Variants in CHRM2 observed in about 807,000 individuals in gnomAD.
CHRM2 encodes cholinergic receptor muscarinic 2, also known as muscarinic acetylcholine receptor M2.
In CHRM2, 8 loss-of-function variants were observed where a neutral mutation model predicts 25.0. That is an observed-to-expected ratio of 0.32 (90% CI 0.19 to 0.58). The LOEUF is 0.58. Among genes scored for constraint, CHRM2 ranks in the 20% least tolerant of loss-of-function variants. CHRM2 has a pLI of 0.88. For missense variants in CHRM2, 440 were observed against 567.1 expected, an observed-to-expected ratio of 0.78 and a Z score of 2.28; for synonymous variants, 202 against 205.7, an observed-to-expected ratio of 0.98 and a Z score of 0.15.
At position 136,880,460 on chromosome 7, in the gene CHRM2, C is replaced by T. The variant is rs1224130859; in HGVS notation, c.-125+11042C>T. ...TTCACTTGCAGTAAACATTTGACTA[C>T]ATTTTAAAATTATTATTTCTCCCAA... On this transcript the variant is annotated intron_variant, in intron 2 of 3. Transcript: ENST00000680005. 8.6e-5 allele frequency among the ~76,000 whole-genome samples: 13 copies of T among 151,922 alleles called. No homozygotes were observed. In the South Asian group the frequency reaches 1.7e-3, roughly 19 times the overall value.
At chr7:136,925,301 T>G (rs1002849662) in intron 2 of CHRM2, among the ~76,000 whole-genome samples, 3 of 152,122 alleles carry the variant, frequency 2.0e-5, no homozygotes, top group Non-Finnish European at 4.4e-5. Flanking sequence ...AACTTCTATC[T>G]TTTTTTATCT....
intron 3 of CHRM2, among the ~76,000 whole-genome samples, chr7:137,006,661 T>TC (rs1804449435): frequency 6.6e-6 from 1 of 152,100 alleles, no homozygotes; most frequent in African/African-American, 2.4e-5. Flanking sequence ...CATTTTTTTT[T>TC]CTTTTTCACA....
chr7:136,979,267 A>G (rs1802320031), intron 2 of CHRM2, among the ~76,000 whole-genome samples: 1 of 152,058 alleles, frequency 6.6e-6, no homozygotes, highest in Non-Finnish European at 1.5e-5. Flanking sequence ...GTGTCTGTTG[A>G]TATCCTTTGC....
At chr7:136,949,920 C>G (rs1343414605) in intron 2 of CHRM2, among the ~76,000 whole-genome samples, 1 of 152,076 alleles carries the variant, frequency 6.6e-6, no homozygotes, top group Non-Finnish European at 1.5e-5. Flanking sequence ...TAACTATTCA[C>G]CTTCATGAGA....
At chr7:136,932,946 C>T (rs1799192385) in intron 2 of CHRM2, among the ~76,000 whole-genome samples, 1 of 152,158 alleles carries the variant, frequency 6.6e-6, no homozygotes, top group South Asian at 2.1e-4. Flanking sequence ...AGGAGAATCA[C>T]TTAAACCTGG....
At chr7:137,002,868 A>G (rs1181898229) in intron 3 of CHRM2, among the ~76,000 whole-genome samples, 1 of 152,146 alleles carries the variant, frequency 6.6e-6, no homozygotes, top group East Asian at 1.9e-4. Flanking sequence ...GGACTCAGTA[A>G]TAGTGACTGC....
At chr7:136,898,668 C>T (rs541031144) in intron 2 of CHRM2, 4 of 151,988 alleles carry the variant, frequency 2.6e-5, no homozygotes, top group African/African-American at 9.6e-5. Flanking sequence ...AAGCCATATT[C>T]TGGTATATAG....
intron 2 of CHRM2, among the ~76,000 whole-genome samples, chr7:136,932,613 A>T (rs1473750334): frequency 2.0e-5 from 3 of 152,230 alleles, no homozygotes; most frequent in Non-Finnish European, 2.9e-5. Context: ...ATTATACATT[A>T]AAACAAACTA....
At chr7:136,893,601 G>T (rs547981228) in intron 2 of CHRM2, among the ~76,000 whole-genome samples, 22 of 152,288 alleles carry the variant, frequency 1.4e-4, no homozygotes, top group African/African-American at 4.8e-4. Context: ...GGCCACTGAA[G>T]ATCATGGTTC....
At chr7:136,992,380 C>T (rs1323138831) in intron 3 of CHRM2, 116 bp downstream of exon 3, 1 of 152,156 alleles carries the variant, frequency 6.6e-6, no homozygotes, top group Non-Finnish European at 1.5e-5. Context: ...TAAAATTAAA[C>T]ATCAGTTACT....
At chr7:136,956,937 G>A (rs1800758607) in intron 2 of CHRM2, among the ~76,000 whole-genome samples, 1 of 152,100 alleles carries the variant, frequency 6.6e-6, no homozygotes, top group African/African-American at 2.4e-5. Flanking sequence ...ACGCTTGAAG[G>A]CTACATGTGA....
At chr7:137,014,793 T>C in intron 3 of CHRM2, 27 bp from the exon 4 acceptor site, 2 of 1,292,358 alleles carry the variant, frequency 1.5e-6, no homozygotes, top group Non-Finnish European at 2.2e-6. Flanking sequence ...ATATTATGTT[T>C]GTTAATTTTA....
chr7:136,909,561 T>C (rs2130674624), intron 2 of CHRM2, among the ~76,000 whole-genome samples: 1 of 152,056 alleles, frequency 6.6e-6, no homozygotes, highest in Non-Finnish European at 1.5e-5. Flanking sequence ...AGGATTTTAA[T>C]GCAAAAATTC....
intron 2 of CHRM2, among the ~76,000 whole-genome samples, chr7:136,987,254 T>C (rs1233089130): frequency 6.6e-6 from 1 of 152,180 alleles, no homozygotes; most frequent in Non-Finnish European, 1.5e-5. Flanking sequence ...CAGCCCACAG[T>C]CAAAAGTTCC....
At chr7:136,911,093 C>T (rs527498343) in intron 2 of CHRM2, among the ~76,000 whole-genome samples, 2 of 151,822 alleles carry the variant, frequency 1.3e-5, no homozygotes, top group East Asian at 1.9e-4. Context: ...GTATAATGAT[C>T]CTAAGTTATT....
intron 2 of CHRM2, among the ~76,000 whole-genome samples, chr7:136,984,418 T>TG (rs1310611875): frequency 2.6e-5 from 4 of 152,034 alleles, no homozygotes; most frequent in Non-Finnish European, 5.9e-5. Context: ...CTTGGCTCCC[T>TG]GGCTTCAGCC....
At position 137,018,483 on chromosome 7, in the gene CHRM2, C is replaced by T. The variant is rs1358595469; in HGVS notation, c.*2217C>T. 6.6e-6 allele frequency: 1 copy of T among 151,878 alleles called. No individual in the cohort carries two copies. Among genetic ancestry groups the T allele is most frequent in the Non-Finnish European group, 1.5e-5 (1 of 67,910 alleles). The allele number at this position is 151,878 out of a possible 1,614,324, so 9.4% of individuals were successfully genotyped here. On this transcript the variant is annotated 3_prime_UTR_variant, in exon 4 of 4. Transcript: ENST00000680005. ...AATAACGTCAAGCCAGTGGGCTCCTCGAGTTTCTGAAAACCAGAGAATTGA... is the reference window on the plus strand; with the variant it reads ...AATAACGTCAAGCCAGTGGGCTCCTTGAGTTTCTGAAAACCAGAGAATTGA...
At chr7:136,924,839 C>A (rs372607608) in intron 2 of CHRM2, among the ~76,000 whole-genome samples, 4 of 152,124 alleles carry the variant, frequency 2.6e-5, no homozygotes, top group African/African-American at 9.7e-5. Flanking sequence ...AACTTTCATC[C>A]GTTTTTCATG....
chr7:136,902,944 G>T, intron 2 of CHRM2: 1 of 352,064 alleles, frequency 2.8e-6, no homozygotes, highest in Non-Finnish European at 5.5e-6. Flanking sequence ...TCCTTGTTCA[G>T]TTTTTCATTA....
Sources: allele counts gnomAD v4.1 joint callset (sites outside exome capture counted in the v4.1 genomes callset), GRCh38; gene constraint gnomAD v4.1.1; transcripts MANE v1.5; gene names NCBI Gene and HGNC (gene_info 2026-07-23, HGNC 2026-07-21).